The following CTBP1 variants were observed in gnomAD, a reference collection of about 807,000 sequenced individuals.
CTBP1 encodes C-terminal-binding protein 1.
In CTBP1, 11 loss-of-function variants were observed where a neutral mutation model predicts 42.1. The ratio of observed to expected loss-of-function variants is 0.26; its 90% CI spans 0.16 to 0.43. The LOEUF is 0.43. Among genes scored for constraint, CTBP1 ranks in the 20% least tolerant of loss-of-function variants. CTBP1 has a pLI of 1.00. For missense variants in CTBP1, 399 were observed against 624.3 expected, an observed-to-expected ratio of 0.64 and a Z score of 3.85; for synonymous variants, 324 against 277.1, an observed-to-expected ratio of 1.17 and a Z score of -1.68.
intron 1 of CTBP1, chr4:1,242,950 T>C (rs953742766): frequency 1.4e-4 from 139 of 984,388 alleles, no homozygotes; most frequent in Non-Finnish European, 1.6e-4. Flanking sequence ...TACTCATCAA[T>C]GCCAGCCGAT....
intron 7 of CTBP1, chr4:1,213,816 G>T: frequency 1.7e-6 from 1 of 575,616 alleles, no homozygotes; most frequent in Non-Finnish European, 2.9e-6. Flanking sequence ...GCGGGTGTGG[G>T]AGCCCAAGGG....
Position 1,214,549 on chromosome 4 carries a change from C to A in CTBP1, c.730-76G>T. 2.0e-6 allele frequency: 3 copies of A among 1,483,018 alleles called. No homozygotes were observed. The South Asian group carries it at 4.1e-5, about 20-fold the overall frequency. 91.9% of individuals were successfully genotyped at this position (1,483,018 alleles called of 1,614,324 possible). On this transcript the variant is annotated intron_variant, in intron 6 of 9. Coordinates refer to ENST00000382952, the MANE Select transcript of CTBP1 (RefSeq NM_001012614.2). ...GGCAGCCAGGGAAGCAAGGTGGTCA[C>A]GCACGCCGTTGGGAAGGCCCAGCTC...
chr4:1,228,367 T>C, intron 3 of CTBP1, 24 bp from the exon 4 acceptor site: 1 of 1,608,384 alleles, frequency 6.2e-7, no homozygotes, highest in Non-Finnish European at 8.5e-7. Context: ...GCACACAGGC[T>C]CAGCCCGGAA....
Position 1,246,210 on chromosome 4 carries a change from C to A in CTBP1, c.-189+2706G>T, listed in dbSNP as rs1732706695. 2.0e-5 allele frequency among the ~76,000 whole-genome samples: 3 copies of A among 152,158 alleles called. No homozygotes were observed. In the South Asian group the frequency reaches 6.2e-4, roughly 31 times the overall value. On this transcript the variant is annotated intron_variant, in intron 1 of 9. Coordinates refer to ENST00000382952, the MANE Select transcript of CTBP1 (RefSeq NM_001012614.2). The stretch of plus-strand genomic sequence containing the variant: ...AATGGAGGACCCGGGGGTCCAGACA[C>A]TCCCGGCACAGAGCTCTTACCCACA...
intron 3 of CTBP1, among the ~76,000 whole-genome samples, chr4:1,234,115 A>C (rs866787147): frequency 3.3e-5 from 5 of 152,202 alleles, no homozygotes; most frequent in Admixed American, 2.6e-4. Flanking sequence ...TAGTGGCAAG[A>C]AAGCGTGGGC....
chr4:1,245,308 C>T (rs1577082518), intron 1 of CTBP1: 9 of 985,450 alleles, frequency 9.1e-6, no homozygotes, highest in Non-Finnish European at 1.1e-5. Flanking sequence ...TCCGTGGAGC[C>T]GCACGTTTCC....
intron 1 of CTBP1, chr4:1,241,972 G>A (rs921281157): frequency 1.3e-5 from 13 of 1,015,472 alleles, no homozygotes; most frequent in African/African-American, 3.5e-5. Context: ...AGGCAAGGAC[G>A]TGGAACTTCC....
intron 3 of CTBP1, chr4:1,237,462 AC>A: frequency 1.5e-6 from 1 of 675,058 alleles, no homozygotes; most frequent in Non-Finnish European, 2.7e-6. Flanking sequence ...CTCAGTGAAA[AC>A]CCGGTGTTCA....
intron 5 of CTBP1, among the ~76,000 whole-genome samples, chr4:1,222,815 G>A (rs1354138855): frequency 6.6e-6 from 1 of 152,148 alleles, no homozygotes; most frequent in Non-Finnish European, 1.5e-5. Context: ...GGGGCCTTCA[G>A]GGCCGGGACC....
chr4:1,247,708 C>T (rs1732865413), intron 1 of CTBP1, among the ~76,000 whole-genome samples: 2 of 148,250 alleles, frequency 1.3e-5, no homozygotes, highest in South Asian at 4.3e-4. Flanking sequence ...GCGCCGTTTT[C>T]TTCCCGAGGG....
Position 1,237,182 on chromosome 4 carries a change from A to T in CTBP1, c.162+1001T>A, listed in dbSNP as rs1307494019. On this transcript the variant is annotated intron_variant, in intron 3 of 9. Transcript: ENST00000382952. ...CACCTCCTGATGGGGCTCAGGATAA[A>T]CCGAGTGTCCACCTCCTGATGGGGC... is the stretch of plus-strand genomic sequence containing the variant. 24 of 659,270 alleles carry T rather than the reference A, an allele frequency of 3.6e-5. No homozygotes were observed. The African/African-American group carries it at 4.2e-4, about 11-fold the overall frequency. 40.8% of individuals were successfully genotyped at this position (659,270 alleles called of 1,614,324 possible).
chr4:1,243,979 G>A lies in CTBP1; in HGVS notation c.-188-2460C>T, dbSNP rs1403748440. 1.0e-5 allele frequency: 10 copies of A among 985,298 alleles called. No homozygotes were observed. The South Asian group carries it at 3.3e-4, about 32-fold the overall frequency. The allele number at this position is 985,298 out of a possible 1,614,324, so 61.0% of individuals were successfully genotyped here. A position where few individuals can be genotyped will look rare whatever the true frequency, so the allele number is the denominator to read the frequency against. ...GAGTGTAGAGCACATGGAAGCTTGT[G>A]CTTCCTATTTTCCTGTAAATCTAAG... On this transcript the variant is annotated intron_variant, in intron 1 of 9. Transcript: ENST00000382952.
chr4:1,223,643 G>C (rs1729993233), intron 5 of CTBP1: 1 of 373,760 alleles, frequency 2.7e-6, no homozygotes, highest in Admixed American at 3.3e-5. Flanking sequence ...AAGGTGTCCA[G>C]GGAGTCTTCA....
intron 1 of CTBP1, among the ~76,000 whole-genome samples, chr4:1,246,809 G>C (rs557313693): frequency 6.6e-6 from 1 of 152,200 alleles, no homozygotes; most frequent in African/African-American, 2.4e-5. Context: ...GTTTCCTGGA[G>C]AGCATGACTA....
intron 1 of CTBP1, 26 bp from the exon 2 acceptor site, chr4:1,241,545 T>C (rs776591708): frequency 6.4e-7 from 1 of 1,570,774 alleles, no homozygotes. Context: ...AAGAGACACA[T>C]TAAAATGCCA....
At chr4:1,241,706 A>G in intron 1 of CTBP1, 187 bp from the exon 2 acceptor site, 7 of 1,229,378 alleles carry the variant, frequency 5.7e-6, no homozygotes, top group Non-Finnish European at 6.2e-6. Flanking sequence ...GCACACACGA[A>G]GGGCGCTCAC....
rs563302106 is a variant in CTBP1, at chr4:1,235,437, T to G, written c.162+2746A>C. The G allele has an allele frequency of 7.4e-4, 113 of 152,288 alleles. No individual in the cohort carries two copies. The highest frequency in any genetic ancestry group is 2.6e-3 in the African/African-American group (106 of 41,548). The allele number at this position is 152,288 out of a possible 1,614,324, so 9.4% of individuals were successfully genotyped here. On this transcript the variant is annotated intron_variant, in intron 3 of 9. Coordinates refer to ENST00000382952, the MANE Select transcript of CTBP1 (RefSeq NM_001012614.2). This position sits in a 1 kb window ranked among gnomAD's most constrained non-coding sequence, Gnocchi z 4.2. ...ATCATCACTTCCAACCCCTTCCCTC[T>G]CCTGTTCTGAAGTTTCTGCAAGAGC... is the stretch of plus-strand genomic sequence containing the variant.
intron 1 of CTBP1, chr4:1,244,781 C>T (rs1298266884): frequency 6.1e-6 from 6 of 985,294 alleles, no homozygotes; most frequent in Admixed American, 6.1e-5. Context: ...CGTGAGTCCC[C>T]GGCAGCCATC....
chr4:1,244,770 C>A (rs974592183), intron 1 of CTBP1: 2 of 985,342 alleles, frequency 2.0e-6, no homozygotes, highest in Non-Finnish European at 2.4e-6. Context: ...AGCTGCCCTG[C>A]CGTGAGTCCC....
Sources: allele counts gnomAD v4.1 joint callset (sites outside exome capture counted in the v4.1 genomes callset), GRCh38; gene constraint gnomAD v4.1.1; non-coding constraint Gnocchi (gnomAD v3.1); transcripts MANE v1.5; gene names NCBI Gene and HGNC (gene_info 2026-07-23, HGNC 2026-07-21).